CCDC39: variants seen among roughly 807,000 people sequenced by gnomAD.
The protein encoded by CCDC39 is coiled-coil domain-containing protein 39.
CCDC39 carries 113 observed loss-of-function variants against 121.0 expected under a neutral mutation model. That is an observed-to-expected ratio of 0.93 (90% CI 0.80 to 1.09). CCDC39 has a LOEUF of 1.09. CCDC39 is among the 50% of genes least tolerant of loss of function. The pLI, the probability that CCDC39 is intolerant of heterozygous loss-of-function variation, is 0.00. For synonymous variants in CCDC39, 349 were observed against 352.2 expected, an observed-to-expected ratio of 0.99 and a Z score of 0.10; for missense variants, 1,063 against 1,074.7, an observed-to-expected ratio of 0.99 and a Z score of 0.15.
At chr3:180,625,836 G>T (rs1416784155) in intron 14 of CCDC39, among the ~76,000 whole-genome samples, 1 of 151,764 alleles carries the variant, frequency 6.6e-6, no homozygotes, top group Non-Finnish European at 1.5e-5. Flanking sequence ...TAGGATGCCA[G>T]GTAAGCCTGT....
intron 7 of CCDC39, 37 bp downstream of exon 7, chr3:180,654,725 G>T (rs375886942): frequency 1.4e-6 from 2 of 1,419,224 alleles, no homozygotes; most frequent in South Asian, 1.3e-5. Flanking sequence ...GTGATTTGTC[G>T]TGAACATACA....
chr3:180,670,099 TA>T (rs1458537404), intron 1 of CCDC39, among the ~76,000 whole-genome samples: 1 of 152,134 alleles, frequency 6.6e-6, no homozygotes, highest in Non-Finnish European at 1.5e-5. Context: ...ATAACTACAT[TA>T]AAAACATGTT....
chr3:180,679,174 G>T lies in CCDC39; in HGVS notation c.90+117C>A. ...AGGGCGATGGTGCGGGGGAGTGTTA[G>T]AGGAAGCACAGGATTAGGAAAGGAG... is the stretch of plus-strand genomic sequence containing the variant. On this transcript the variant is annotated intron_variant, in intron 1 of 19. Transcript: ENST00000476379. This position sits in a 1 kb window ranked among gnomAD's most constrained non-coding sequence, Gnocchi z 4.0. 1.3e-6 allele frequency: 1 copy of T among 799,602 alleles called. No individual in the cohort carries two copies. The allele number at this position is 799,602 out of a possible 1,614,324, so 49.5% of individuals were successfully genotyped here.
intron 11 of CCDC39, among the ~76,000 whole-genome samples, chr3:180,645,598 G>C (rs1051589067): frequency 2.6e-5 from 4 of 152,034 alleles, no homozygotes; most frequent in African/African-American, 9.7e-5. Flanking sequence ...AATTAAATTT[G>C]ATAAAAAGAG....
intron 13 of CCDC39, among the ~76,000 whole-genome samples, chr3:180,637,521 G>T (rs573302894): frequency 8.5e-5 from 13 of 152,288 alleles, no homozygotes; most frequent in Admixed American, 3.9e-4. Context: ...GCTATGTGGT[G>T]ATTCCTCAAG....
At chr3:180,675,896 G>A (rs983619473) in intron 1 of CCDC39, among the ~76,000 whole-genome samples, 4 of 143,168 alleles carry the variant, frequency 2.8e-5, no homozygotes, top group African/African-American at 5.5e-5. Flanking sequence ...AAATGGGGAA[G>A]GGATTCCCTA....
At chr3:180,670,639 C>CTTTTTTTTTTTTTTTTTTTTTTCTT (rs573623299) in intron 1 of CCDC39, among the ~76,000 whole-genome samples, 1 of 120,434 alleles carries the variant, frequency 8.3e-6, no homozygotes, top group Non-Finnish European at 1.8e-5. Flanking sequence ...TTTTTTTTCT[C>CTTTTTTTTTTTTTTTTTTTTTTCTT]TTTTTTTTTT....
At chr3:180,648,051 G>T in intron 10 of CCDC39, 114 bp downstream of exon 10, 2 of 800,570 alleles carry the variant, frequency 2.5e-6, no homozygotes, top group South Asian at 1.8e-5. Context: ...TTCAGCATCT[G>T]TCTGTCCTCC....
At chr3:180,630,069 G>C (rs1320891816) in intron 14 of CCDC39, among the ~76,000 whole-genome samples, 1 of 152,006 alleles carries the variant, frequency 6.6e-6, no homozygotes, top group Non-Finnish European at 1.5e-5. Flanking sequence ...AGGAAACTTA[G>C]GCCTCACATG....
At chr3:180,651,943 A>G (rs970283171) in intron 8 of CCDC39, among the ~76,000 whole-genome samples, 1 of 152,060 alleles carries the variant, frequency 6.6e-6, no homozygotes, top group Non-Finnish European at 1.5e-5. Flanking sequence ...AGACTGAGGC[A>G]GGAAAATGGT....
intron 1 of CCDC39, among the ~76,000 whole-genome samples, chr3:180,668,303 T>C (rs1711942320): frequency 6.6e-6 from 1 of 152,086 alleles, no homozygotes; most frequent in Non-Finnish European, 1.5e-5. Context: ...CACTTGAGCC[T>C]GGGAGACAGA....
intron 7 of CCDC39, among the ~76,000 whole-genome samples, chr3:180,652,798 A>G (rs1711509628): frequency 6.6e-6 from 1 of 152,156 alleles, no homozygotes; most frequent in South Asian, 2.1e-4. Context: ...TCTCAGAACA[A>G]ATTCAGTAAG....
chr3:180,637,467 T>C (rs998513001), intron 13 of CCDC39, among the ~76,000 whole-genome samples: 3 of 152,202 alleles, frequency 2.0e-5, no homozygotes, highest in African/African-American at 7.2e-5. Flanking sequence ...GGAATTCTTA[T>C]ACAATATTGG....
intron 17 of CCDC39, 42 bp downstream of exon 17, chr3:180,616,784 A>G (rs1164548153): frequency 6.3e-7 from 1 of 1,593,818 alleles, no homozygotes; most frequent in Non-Finnish European, 8.6e-7. Context: ...GGGACTTCAA[A>G]AATGTAAATA....
At chr3:180,672,242 G>C (rs939337051) in intron 1 of CCDC39, among the ~76,000 whole-genome samples, 1 of 152,140 alleles carries the variant, frequency 6.6e-6, no homozygotes, top group African/African-American at 2.4e-5. Context: ...TTACAACATG[G>C]TTTACTGAAA....
intron 12 of CCDC39, among the ~76,000 whole-genome samples, chr3:180,642,853 A>C (rs1385725503): frequency 2.6e-5 from 4 of 152,162 alleles, no homozygotes; most frequent in African/African-American, 9.7e-5. Context: ...ATTAAAAAGA[A>C]AAAAAAACTA....
In CCDC39 at chr3:180,660,634, G is replaced by A; in HGVS notation, c.452C>T (p.Ala151Val). 6.2e-7 allele frequency: 1 copy of A among 1,602,870 alleles called. No individual in the cohort carries two copies. Among genetic ancestry groups the A allele is most frequent in the Non-Finnish European group, 8.5e-7 (1 of 1,173,728 alleles). The change falls in exon 4 of 20, where the codon GCT becomes GTT. Residue 151 changes from alanine (A) to valine (V), a missense_variant. Physicochemically the swap from Ala to Val is moderately conservative, Grantham distance 64. Coordinates refer to ENST00000476379, the MANE Select transcript of CCDC39 (RefSeq NM_181426.2). The part of the protein sequence containing the change: ...QALEAWLEES[A>V]HKDSDALTLQ... The stretch of plus-strand genomic sequence containing the variant: ...AGTGAGAGCATCACTATCTTTATGA[G>A]CTGATTCTTCTAACCAGGCCTCCAA...
chr3:180,676,261 T>C (rs1240196537), intron 1 of CCDC39, among the ~76,000 whole-genome samples: 4 of 152,200 alleles, frequency 2.6e-5, no homozygotes, highest in African/African-American at 7.2e-5. Flanking sequence ...AAAGGGCTAA[T>C]ATCCAGAATC....
At position 180,657,175 on chromosome 3, in the gene CCDC39, G is replaced by A. The variant is rs148561501; in HGVS notation, c.739-2222C>T. ...GAAATCAGAAATCCTATAGATCAGG[G>A]GTTTTTTCAAAATGTGTTGTTTTGT... On this transcript the variant is annotated intron_variant, in intron 6 of 19. Transcript: ENST00000476379. Among the ~76,000 whole-genome samples, 1,149 of 152,160 alleles carry A rather than the reference G, an allele frequency of 7.6e-3. 11 individuals carry two copies. Among genetic ancestry groups the A allele is most frequent in the Middle Eastern group, 0.034 (10 of 294 alleles).
Sources: gnomAD v4.1 joint callset for allele counts (sites outside exome capture counted in the v4.1 genomes callset) on GRCh38, gnomAD v4.1.1 for gene constraint, Gnocchi (gnomAD v3.1) non-coding constraint, MANE v1.5 for transcripts, NCBI Gene and HGNC (gene_info 2026-07-23, HGNC 2026-07-21) for gene names.